DIS3L: variants seen among roughly 807,000 people sequenced by gnomAD.
The protein encoded by DIS3L is DIS3 like exosome 3'-5' exoribonuclease.
A neutral mutation model predicts 120.3 loss-of-function variants in DIS3L; 100 were observed. That is an observed-to-expected ratio of 0.83 (90% CI 0.71 to 0.98). DIS3L has a LOEUF of 0.98. DIS3L is among the 50% of genes least tolerant of loss of function. DIS3L has a pLI of 0.00. For synonymous variants in DIS3L, 426 were observed against 470.6 expected (o/e 0.91, Z 1.23); for missense variants, 1,196 against 1,314.2 (o/e 0.91, Z 1.39).
At position 66,329,089 on chromosome 15, in the gene DIS3L, C is replaced by A; in HGVS notation, c.2321C>A (p.Thr774Asn). Reference sequence around the variant, plus strand: ...ATGTCGAATGCTCTGTACTTCTCCACCGGATCCTGTGCGGAGGAGGAGTTC... The same window carrying A: ...ATGTCGAATGCTCTGTACTTCTCCAACGGATCCTGTGCGGAGGAGGAGTTC... ...QAMSNALYFS[T>N]GSCAEEEFHH... is the part of the protein sequence containing the mutation. The change falls in exon 13 of 17, where the codon ACC (threonine) becomes AAC (asparagine). Residue 774 changes from threonine to asparagine, a missense_variant. Physicochemically the swap from Thr to Asn is moderately conservative, Grantham distance 65 (BLOSUM62 0). Transcript: ENST00000319212. 2 of 1,613,976 alleles carry A rather than the reference C, an allele frequency of 1.2e-6. No individual in the cohort carries two copies. The highest frequency in any genetic ancestry group is 1.7e-6 in the Non-Finnish European group (2 of 1,179,978).
intron 14 of DIS3L, chr15:66,330,258 C>T: frequency 6.1e-6 from 6 of 978,920 alleles, no homozygotes; most frequent in Non-Finnish European, 7.3e-6. Flanking sequence ...GATTGCACCA[C>T]TGCACTCTGG....
At chr15:66,331,805 A>G (rs2140420624) in intron 14 of DIS3L, 70 bp from the exon 15 acceptor site, 1 of 1,396,662 alleles carries the variant, frequency 7.2e-7, no homozygotes. Context: ...CATTTGAATG[A>G]ATATGAATTT....
chr15:66,320,490 G>T (rs2092870414), intron 8 of DIS3L, 81 bp from the exon 9 acceptor site: 3 of 1,461,492 alleles, frequency 2.1e-6, no homozygotes, highest in East Asian at 2.5e-5. Flanking sequence ...AGTATTGTTT[G>T]CCTCTTGTTT....
At chr15:66,322,019 A>T (rs1052348588) in intron 9 of DIS3L, among the ~76,000 whole-genome samples, 8 of 152,172 alleles carry the variant, frequency 5.3e-5, no homozygotes, top group South Asian at 4.1e-4. Flanking sequence ...ATCATAGTAA[A>T]CTATTTTAGA....
At chr15:66,313,230 G>T (rs190131996) in intron 5 of DIS3L, among the ~76,000 whole-genome samples, 4 of 151,964 alleles carry the variant, frequency 2.6e-5, no homozygotes, top group South Asian at 2.1e-4. Flanking sequence ...TCTTGACCTC[G>T]TGATCCACCC....
In DIS3L at chr15:66,332,782, G is replaced by T. The variant is rs758116019; in HGVS notation, c.2728G>T (p.Val910Phe). The change falls in exon 16 of 17, where the codon GTC becomes TTC. Residue 910 changes from valine to phenylalanine, a missense_variant. By Grantham distance (50) the Val-to-Phe change is conservative. Coordinates refer to ENST00000319212, the MANE Select transcript of DIS3L (RefSeq NM_001143688.3). ...AAYLKNKDGL[V>F]ISCGPDSCSE... ...TTATCTAAAAAATAAAGATGGTTTA[G>T]TCATCTCATGTGGCCCAGATAGCTG... 4 of 1,613,456 alleles carry T rather than the reference G, an allele frequency of 2.5e-6. No individual in the cohort carries two copies. The African/African-American group carries it at 5.3e-5, about 22-fold the overall frequency.
intron 7 of DIS3L, among the ~76,000 whole-genome samples, chr15:66,317,865 A>C (rs2092836570): frequency 6.6e-6 from 1 of 151,854 alleles, no homozygotes; most frequent in Non-Finnish European, 1.5e-5. Flanking sequence ...AAAGAAACGA[A>C]CAAAAACAAA....
intron 7 of DIS3L, among the ~76,000 whole-genome samples, chr15:66,318,051 G>A (rs988366620): frequency 3.3e-5 from 5 of 152,052 alleles, no homozygotes; most frequent in South Asian, 2.1e-4. Context: ...TCGGCTCACT[G>A]CAAGTTCCGC....
chr15:66,330,219 C>A (rs998107448), intron 14 of DIS3L: 14 of 933,760 alleles, frequency 1.5e-5, no homozygotes, highest in Non-Finnish European at 1.8e-5. Flanking sequence ...ATGGTGTGAA[C>A]CCGGGAGGCG....
chr15:66,319,651 TCC>T (rs2092859020), intron 8 of DIS3L, among the ~76,000 whole-genome samples: 1 of 152,190 alleles, frequency 6.6e-6, no homozygotes, highest in African/African-American at 2.4e-5. Context: ...AAGCAGGATG[TCC>T]CCAGCCAGTA....
intron 2 of DIS3L, among the ~76,000 whole-genome samples, chr15:66,299,787 G>A (rs1416441536): frequency 1.3e-5 from 2 of 152,184 alleles, no homozygotes; most frequent in East Asian, 1.9e-4. Context: ...CGGGCGCGGT[G>A]GCTCACGCCT....
intron 11 of DIS3L, among the ~76,000 whole-genome samples, chr15:66,324,599 G>A (rs945044235): frequency 2.0e-5 from 3 of 152,146 alleles, no homozygotes; most frequent in Non-Finnish European, 2.9e-5. Context: ...CTTCTTAAAT[G>A]TTACACCAGT....
Position 66,315,260 on chromosome 15 carries a change from A to C in DIS3L, c.994+45A>C, listed in dbSNP as rs200848166. ...ACTCCGATGTCCATTTTTCTTGTGG[A>C]ATTATATTTGTCTCCTCTTTAGCAA... On this transcript the variant is annotated intron_variant, in intron 7 of 16. Transcript: ENST00000319212. 6.5e-4 allele frequency: 1,003 copies of C among 1,537,864 alleles called. 2 individuals are homozygous for C. Among genetic ancestry groups the C allele is most frequent in the Admixed American group, 8.7e-4 (45 of 51,778 alleles).
chr15:66,313,859 ATGTGTGTATATATATATATATG>A (rs1450484714), intron 5 of DIS3L, among the ~76,000 whole-genome samples, 158 bp from the exon 6 acceptor site: 4 of 117,350 alleles, frequency 3.4e-5, no homozygotes, highest in African/African-American at 8.2e-5. Flanking sequence ...GCGTATATAT[ATGTGTGTATATATATATATATG>A]TGTGTGTATA....
Position 66,309,094 on chromosome 15 carries a change from A to AAAAAAAAAAAAAAAAAATATATATAT in DIS3L, c.558+251_558+252insAAAAAAAAAAAAAAAATATATATATA. Among the ~76,000 whole-genome samples, 8 of 15,316 alleles carry AAAAAAAAAAAAAAAAAATATATATAT rather than the reference A, an allele frequency of 5.2e-4. 1 individual carries two copies. The highest frequency in any genetic ancestry group is 1.6e-3 in the Admixed American group (1 of 620). The allele number at this position is 15,316 out of a possible 152,430, so 10.0% of individuals were successfully genotyped here. On this transcript the variant is annotated intron_variant, in intron 4 of 16. Transcript: ENST00000319212. The stretch of plus-strand genomic sequence containing the variant: ...CTTGTCTCTACAGAAAAAAAAAAAA[A>AAAAAAAAAAAAAAAAAATATATATAT]ATATATATATCTCCAAGCATGGTGG...
At chr15:66,312,120 ATCACTTCAGCCTGGATGGTTGAG>A (rs2092769315) in intron 5 of DIS3L, among the ~76,000 whole-genome samples, 1 of 151,446 alleles carries the variant, frequency 6.6e-6, no homozygotes, top group Non-Finnish European at 1.5e-5. Context: ...AGGCAGGAGG[ATCACTTCAGCCTGGATGGTTGAG>A]GCTGCAGTGA....
intron 12 of DIS3L, among the ~76,000 whole-genome samples, chr15:66,327,132 G>A (rs781504912): frequency 6.6e-6 from 1 of 151,606 alleles, no homozygotes; most frequent in Non-Finnish European, 1.5e-5. Flanking sequence ...GTTTCACCAT[G>A]TTGGTCAGGT....
Position 66,332,037 on chromosome 15 carries a change from G to A in DIS3L, c.2681+17G>A. 1.3e-6 allele frequency: 2 copies of A among 1,596,750 alleles called. No homozygotes were observed. The highest frequency in any genetic ancestry group is 8.5e-7 in the Non-Finnish European group (1 of 1,174,870). ...TATACCAAGGTATGTTACATCTAAT[G>A]CAATGGTGCATAAGAAATCATAGTT... On this transcript the variant is annotated intron_variant, in intron 15 of 16. Transcript: ENST00000319212.
chr15:66,307,226 A>G (rs563824089), intron 3 of DIS3L, among the ~76,000 whole-genome samples: 21 of 152,332 alleles, frequency 1.4e-4, no homozygotes, highest in Non-Finnish European at 2.6e-4. Flanking sequence ...ATTCCAGTGA[A>G]CTAGAAGTCA....
Sources: allele counts gnomAD v4.1 joint callset (sites outside exome capture counted in the v4.1 genomes callset), GRCh38; gene constraint gnomAD v4.1.1; transcripts MANE v1.5; gene names NCBI Gene and HGNC (gene_info 2026-07-23, HGNC 2026-07-21).